SLC45A3: variants seen among roughly 807,000 people sequenced by gnomAD.
SLC45A3 encodes the protein prostate cancer associated protein 2.
Under a neutral mutation model 35.3 loss-of-function variants are expected in SLC45A3, and 17 were observed. That is an observed-to-expected ratio of 0.48 (90% CI 0.33 to 0.72). The LOEUF is 0.72. Ranked by LOEUF, SLC45A3 falls within the 30% of genes least tolerant of loss-of-function variation. The pLI is 0.02. For synonymous variants in SLC45A3, 288 were observed against 334.3 expected, an observed-to-expected ratio of 0.86 and a Z score of 1.51; for missense variants, 597 against 731.7, an observed-to-expected ratio of 0.82 and a Z score of 2.12.
At position 205,664,534 on chromosome 1, in the gene SLC45A3, A is replaced by G. The variant is rs779141613; in HGVS notation, c.123T>C (p.Pro41=). 6.2e-7 allele frequency: 1 copy of G among 1,614,186 alleles called. No homozygotes were observed. Among genetic ancestry groups the G allele is most frequent in the Non-Finnish European group, 8.5e-7 (1 of 1,180,016 alleles). Reference sequence around the variant, plus strand: ...CCTCTACCCCCACTTCCAGCAGCAGAGGCGGCACATAGGTGATGCCTGCGG... The same window carrying G: ...CCTCTACCCCCACTTCCAGCAGCAGGGGCGGCACATAGGTGATGCCTGCGG... ...CLAAGITYVP[P]LLLEVGVEEK... Residue 41 remains proline, a synonymous_variant, in exon 2 of 5, where the codon CCT becomes CCC. Transcript: ENST00000367145. The surrounding 1 kb of genome is among the most constrained non-coding windows in gnomAD (Gnocchi z 5.3).
rs16856139 is a variant in SLC45A3 at position 205,669,336 on chromosome 1, C to T, written c.-230-4450G>A. On this transcript the variant is annotated intron_variant, in intron 1 of 4. Transcript: ENST00000367145. The surrounding 1 kb of genome is among the most constrained non-coding windows in gnomAD (Gnocchi z 4.1). ...CTTGGCCTGAACTTTGTCCAAAATA[C>T]AGAAGACAGAGTGGCAGAGAAGGAG... Among the ~76,000 whole-genome samples the T allele has an allele frequency of 0.074, 11,262 of 152,242 alleles. 463 individuals are homozygous for T. Among genetic ancestry groups the T allele is most frequent in the East Asian group, 0.14 (734 of 5,164 alleles).
intron 1 of SLC45A3, among the ~76,000 whole-genome samples, chr1:205,665,145 T>C (rs1457680295): frequency 6.6e-6 from 1 of 152,202 alleles, no homozygotes; most frequent in Non-Finnish European, 1.5e-5. Context: ...TTCTCTGTTT[T>C]GAAAAATCTA....
At chr1:205,671,870 A>AAAC (rs1553248261) in intron 1 of SLC45A3, among the ~76,000 whole-genome samples, 1 of 151,654 alleles carries the variant, frequency 6.6e-6, no homozygotes, top group Non-Finnish European at 1.5e-5. Context: ...TGTCTCAAAC[A>AAAC]AACAAAAAAC....
intron 1 of SLC45A3, among the ~76,000 whole-genome samples, chr1:205,672,161 C>T (rs1393072660): frequency 6.6e-6 from 1 of 152,054 alleles, no homozygotes; most frequent in Non-Finnish European, 1.5e-5. Flanking sequence ...CAAACAGGAG[C>T]GGCTGTGGTT....
At chr1:205,671,396 G>A (rs1259646978) in intron 1 of SLC45A3, among the ~76,000 whole-genome samples, 2 of 152,212 alleles carry the variant, frequency 1.3e-5, no homozygotes, top group Admixed American at 1.3e-4. Flanking sequence ...TTCCACCCGA[G>A]GGACCACAAC....
chr1:205,680,061 G>A (rs1394551793), intron 1 of SLC45A3, among the ~76,000 whole-genome samples: 2 of 122,610 alleles, frequency 1.6e-5, no homozygotes, highest in East Asian at 5.0e-4. Flanking sequence ...CCGGCCCGGG[G>A]CTCCGGGGAG....
chr1:205,675,663 C>T (rs1671298048), intron 1 of SLC45A3, among the ~76,000 whole-genome samples: 1 of 152,072 alleles, frequency 6.6e-6, no homozygotes, highest in Non-Finnish European at 1.5e-5. Context: ...TTCAGCATAC[C>T]TCCATGGGCA....
Position 205,659,194 on chromosome 1 carries a change from C to A in SLC45A3, c.*40G>T. The A allele has an allele frequency of 6.4e-7, 1 of 1,561,194 alleles. No homozygotes were observed. On this transcript the variant is annotated 3_prime_UTR_variant, in exon 5 of 5. Transcript: ENST00000367145. The surrounding 1 kb of genome is among the most constrained non-coding windows in gnomAD (Gnocchi z 5.8). ...CTAACAGGAGCGGGGAGCTGGGACC[C>A]AGTGAGGCAGGCCCTCCACCCCAAT...
chr1:205,671,377 G>A (rs1671211984), intron 1 of SLC45A3, among the ~76,000 whole-genome samples: 1 of 152,188 alleles, frequency 6.6e-6, no homozygotes, highest in East Asian at 1.9e-4. Flanking sequence ...TCTTCAACCT[G>A]GAGCTCTCTT....
In SLC45A3 at chr1:205,679,685, AACACACACACACAC is replaced by A. The variant is rs55762304; in HGVS notation, c.-231+695_-231+708del. On this transcript the variant is annotated intron_variant, in intron 1 of 4. Transcript: ENST00000367145. ...ACTGAGGCTGAAAAGGGGACACAGT[AACACACACACACAC>A]ACACACACACACACACACACACACA... Among the ~76,000 whole-genome samples, 996 of 138,852 alleles carry A rather than the reference AACACACACACACAC, an allele frequency of 7.2e-3. 10 individuals carry two copies. Among genetic ancestry groups the A allele is most frequent in the African/African-American group, 0.025 (927 of 36,854 alleles). 91.1% of individuals were successfully genotyped at this position (138,852 alleles called of 152,430 possible).
rs558070897 is a variant in SLC45A3, at chr1:205,663,527, G to C, written c.264C>G (p.Phe88Leu). 19 of 1,613,102 alleles carry C rather than the reference G, an allele frequency of 1.2e-5. No homozygotes were observed. In the East Asian group the frequency reaches 3.8e-4, roughly 32 times the overall value. Residue 88 changes from phenylalanine (F) to leucine (L), a missense_variant, in exon 3 of 5, where the codon TTC becomes TTG. Phe to Leu is a conservative substitution (Grantham distance 22). This residue lies in a region of SLC45A3 where 555 missense variants were observed against 664.9 expected (regional missense o/e 0.83). Coordinates refer to ENST00000367145, the MANE Select transcript of SLC45A3 (RefSeq NM_033102.3). ...WRGRYGRRRP[F>L]IWALSLGILL... ...GGATGCCCAAGGACAGTGCCCAGAT[G>C]AAGGGCCGGCGGCGGCCATAGCGTC...
chr1:205,677,314 T>A (rs1177966466), intron 1 of SLC45A3, among the ~76,000 whole-genome samples: 1 of 152,176 alleles, frequency 6.6e-6, no homozygotes, highest in African/African-American at 2.4e-5. Context: ...CTTCGTAGCT[T>A]ACATATAGTT....
At position 205,659,652 on chromosome 1, in the gene SLC45A3, C is replaced by T. The variant is rs145712905; in HGVS notation, c.1244G>A (p.Arg415Gln). The T allele has an allele frequency of 5.2e-4, 792 of 1,527,812 alleles. 6 individuals are homozygous for T. Among genetic ancestry groups the T allele is most frequent in the Admixed American group, 7.6e-4 (35 of 45,812 alleles). 94.6% of individuals were successfully genotyped at this position (1,527,812 alleles called of 1,614,324 possible). A position where few individuals can be genotyped will look rare whatever the true frequency, so the allele number is the denominator to read the frequency against. Reference sequence around the variant, plus strand: ...ACTGCTAGCACCTCCAGTGTCCCCTCGGTATTTGGGCAGGAACACCTAAGG... The same window carrying T: ...ACTGCTAGCACCTCCAGTGTCCCCTTGGTATTTGGGCAGGAACACCTAAGG... ...REKQVFLPKYRGDTGGASSED... is the reference protein window; with the variant it reads ...REKQVFLPKYQGDTGGASSED... The change falls in exon 5 of 5, where the codon CGA becomes CAA. Residue 415 changes from arginine (R) to glutamine (Q), a missense_variant. Physicochemically the swap from Arg to Gln is conservative, Grantham distance 43. Transcript: ENST00000367145. The surrounding 1 kb of genome is among the most constrained non-coding windows in gnomAD (Gnocchi z 5.8).
chr1:205,677,099 G>A (rs1671326017), intron 1 of SLC45A3, among the ~76,000 whole-genome samples: 1 of 152,186 alleles, frequency 6.6e-6, no homozygotes. Context: ...TTGCATAGAA[G>A]GCTCTTAACT....
intron 1 of SLC45A3, among the ~76,000 whole-genome samples, chr1:205,679,818 TCAAGAAAG>T (rs987820456): frequency 2.0e-5 from 3 of 151,568 alleles, no homozygotes; most frequent in Non-Finnish European, 4.4e-5. Context: ...TCACTCTTCC[TCAAGAAAG>T]CCGGCCTGGG....
At chr1:205,668,924 C>A (rs1164420692) in intron 1 of SLC45A3, among the ~76,000 whole-genome samples, 1 of 152,146 alleles carries the variant, frequency 6.6e-6, no homozygotes, top group Non-Finnish European at 1.5e-5. Context: ...AGACCAAGGG[C>A]CGTGGGCAAG....
At chr1:205,661,773 T>C in intron 4 of SLC45A3, 88 bp downstream of exon 4, 1 of 1,522,596 alleles carries the variant, frequency 6.6e-7, no homozygotes, top group South Asian at 1.3e-5. Context: ...CAAAGTTGCT[T>C]GCCAGATACC....
chr1:205,660,125 G>A lies in SLC45A3; in HGVS notation c.1225-454C>T, dbSNP rs115458201. Among the ~76,000 whole-genome samples, 1,466 of 151,818 alleles carry A rather than the reference G, an allele frequency of 9.7e-3. 23 individuals carry two copies. The highest frequency in any genetic ancestry group is 0.033 in the African/African-American group (1,375 of 41,372). ...TTCCTTCCTGCCTGCCCTCCACTCC[G>A]ACATCTGGAAATCCTCATTGCCCGG... On this transcript the variant is annotated intron_variant, in intron 4 of 4. Transcript: ENST00000367145.
rs1670968404 is a variant in SLC45A3 at position 205,658,973 on chromosome 1, C to T, written c.*261G>A. The T allele has an allele frequency of 2.1e-6, 1 of 480,290 alleles. No individual in the cohort carries two copies. The highest frequency in any genetic ancestry group is 2.9e-5 in the South Asian group (1 of 34,244). The allele number at this position is 480,290 out of a possible 1,614,324, so 29.8% of individuals were successfully genotyped here. A position where few individuals can be genotyped will look rare whatever the true frequency, so the allele number is the denominator to read the frequency against. On this transcript the variant is annotated 3_prime_UTR_variant, in exon 5 of 5. Transcript: ENST00000367145. ...TTCCAGTGCATGGAGCCCTTCTGGC[C>T]TCCCTGTATAAGTCCAGACTGAAAC...
Sources: gnomAD v4.1 joint callset for allele counts (sites outside exome capture counted in the v4.1 genomes callset) on GRCh38, gnomAD v4.1.1 for gene constraint, gnomAD v4.1.1 regional missense constraint, Gnocchi (gnomAD v3.1) non-coding constraint, MANE v1.5 for transcripts, NCBI Gene and HGNC (gene_info 2026-07-23, HGNC 2026-07-21) for gene names.